Variants in MARCHF5 observed in about 807,000 individuals in gnomAD.
MARCHF5 encodes the protein membrane associated ring-CH-type finger 5, also known as E3 ubiquitin-protein ligase MARCHF5.
A neutral mutation model predicts 36.5 loss-of-function variants in MARCHF5; 5 were observed. The ratio of observed to expected loss-of-function variants is 0.14; its 90% CI spans 0.07 to 0.29. MARCHF5 has a LOEUF of 0.29. Ranked by LOEUF, MARCHF5 falls within the 10% of genes least tolerant of loss-of-function variation. The pLI, the probability that MARCHF5 is intolerant of heterozygous loss-of-function variation, is 1.00. For missense variants in MARCHF5, 179 were observed against 336.3 expected (o/e 0.53, Z 3.66); for synonymous variants, 103 against 109.9 (o/e 0.94, Z 0.39).
chr10:92,334,123 G>A (rs1388638761), intron 2 of MARCHF5, among the ~76,000 whole-genome samples: 1 of 152,230 alleles, frequency 6.6e-6, no homozygotes. Flanking sequence ...CCGGGAGGCA[G>A]AGGTTGCTGT....
At chr10:92,318,724 A>C (rs902191943) in intron 2 of MARCHF5, among the ~76,000 whole-genome samples, 1 of 151,716 alleles carries the variant, frequency 6.6e-6, no homozygotes, top group Non-Finnish European at 1.5e-5. Flanking sequence ...CTAAGATGGA[A>C]TCTCACTCTT....
intron 1 of MARCHF5, among the ~76,000 whole-genome samples, chr10:92,292,173 A>G (rs1842883471): frequency 1.3e-5 from 2 of 152,086 alleles, no homozygotes; most frequent in South Asian, 4.2e-4. Flanking sequence ...CGTTGAGTTC[A>G]TTGAAGACGT....
intron 2 of MARCHF5, among the ~76,000 whole-genome samples, chr10:92,338,800 G>A (rs1843536313): frequency 3.3e-5 from 5 of 152,096 alleles, no homozygotes; most frequent in Admixed American, 3.3e-4. Flanking sequence ...ATTTGTATAG[G>A]GAAAATAAAC....
At chr10:92,347,544 G>T (rs889760911) in intron 3 of MARCHF5, among the ~76,000 whole-genome samples, 1 of 151,084 alleles carries the variant, frequency 6.6e-6, no homozygotes, top group Non-Finnish European at 1.5e-5. Context: ...TAGATAGATA[G>T]ATAGATAGAT....
Position 92,291,571 on chromosome 10 carries a change from G to C in MARCHF5, c.35+42G>C, listed in dbSNP as rs1421447241. ...GGGGGACCGGGAGCCGCCGACCCTC[G>C]CTCTGGCCCTGCCCGCGCCCGCCCT... On this transcript the variant is annotated intron_variant, in intron 1 of 5. Coordinates refer to ENST00000358935, the MANE Select transcript of MARCHF5 (RefSeq NM_017824.5). 5 of 1,506,082 alleles carry C rather than the reference G, an allele frequency of 3.3e-6. No individual in the cohort carries two copies. The Admixed American group carries it at 1.1e-4, about 32-fold the overall frequency. The allele number at this position is 1,506,082 out of a possible 1,614,324, so 93.3% of individuals were successfully genotyped here.
At chr10:92,330,747 A>G (rs1478580411) in intron 2 of MARCHF5, among the ~76,000 whole-genome samples, 1 of 152,254 alleles carries the variant, frequency 6.6e-6, no homozygotes, top group Non-Finnish European at 1.5e-5. Flanking sequence ...ACGTAACATT[A>G]AGTACTAAGA....
chr10:92,326,438 C>T (rs1329216), intron 2 of MARCHF5, among the ~76,000 whole-genome samples: 150,307 of 152,296 alleles, frequency 0.99, 74,206 homozygotes, highest in Middle Eastern at 1. Flanking sequence ...GAATTTTACA[C>T]TGGCAAATTT....
intron 1 of MARCHF5, among the ~76,000 whole-genome samples, chr10:92,306,526 C>T (rs984252975): frequency 6.6e-6 from 1 of 152,166 alleles, no homozygotes; most frequent in Non-Finnish European, 1.5e-5. Context: ...TTTCTACTGT[C>T]CCCTCCATTC....
At chr10:92,305,817 C>G (rs1843067688) in intron 1 of MARCHF5, among the ~76,000 whole-genome samples, 1 of 152,176 alleles carries the variant, frequency 6.6e-6, no homozygotes, top group South Asian at 2.1e-4. Context: ...CTAGTCCCAT[C>G]TACTCAGGAG....
At position 92,353,000 on chromosome 10, in the gene MARCHF5, A is replaced by G. The variant is rs1590672622; in HGVS notation, c.*1793A>G. ...GAACAGTTTTTAGGCAGCCTTTACTAAAGTTATGCAAACACACAGTTCCCC... is the reference window on the plus strand; with the variant it reads ...GAACAGTTTTTAGGCAGCCTTTACTGAAGTTATGCAAACACACAGTTCCCC... On this transcript the variant is annotated 3_prime_UTR_variant, in exon 6 of 6. Transcript: ENST00000358935. 2 of 152,742 alleles carry G rather than the reference A, an allele frequency of 1.3e-5. No individual in the cohort carries two copies. Among genetic ancestry groups the G allele is most frequent in the African/African-American group, 4.8e-5 (2 of 41,580 alleles). The allele number at this position is 152,742 out of a possible 1,614,324, so 9.5% of individuals were successfully genotyped here.
intron 2 of MARCHF5, among the ~76,000 whole-genome samples, chr10:92,332,498 C>T (rs1053062929): frequency 6.8e-6 from 1 of 146,596 alleles, no homozygotes; most frequent in Non-Finnish European, 1.5e-5. Flanking sequence ...TTTACTATCG[C>T]ATTAGGATTC....
At chr10:92,332,061 CT>C (rs1172333453) in intron 2 of MARCHF5, among the ~76,000 whole-genome samples, 5 of 142,384 alleles carry the variant, frequency 3.5e-5, no homozygotes, top group Admixed American at 7.1e-5. Context: ...TTTGTGGGTC[CT>C]TTTTTTTTTC....
chr10:92,306,591 A>T (rs1176874486), intron 1 of MARCHF5, among the ~76,000 whole-genome samples: 1 of 152,228 alleles, frequency 6.6e-6, no homozygotes, highest in East Asian at 1.9e-4. Context: ...TCTCCATCTT[A>T]AAAGGAAGGG....
intron 2 of MARCHF5, among the ~76,000 whole-genome samples, chr10:92,320,037 T>C (rs1331363202): frequency 6.7e-6 from 1 of 150,288 alleles, no homozygotes; most frequent in Non-Finnish European, 1.5e-5. Flanking sequence ...AGTGGTGCAA[T>C]CTCAGCTTAC....
At chr10:92,350,798 C>T (rs1182591554) in intron 5 of MARCHF5, among the ~76,000 whole-genome samples, 2 of 152,066 alleles carry the variant, frequency 1.3e-5, no homozygotes, top group African/African-American at 2.4e-5. Flanking sequence ...CACATAGTGC[C>T]CTAGCATTCT....
At position 92,352,723 on chromosome 10, in the gene MARCHF5, A is replaced by G. The variant is rs1843733787; in HGVS notation, c.*1516A>G. On this transcript the variant is annotated 3_prime_UTR_variant, in exon 6 of 6. Transcript: ENST00000358935. Reference sequence around the variant, plus strand: ...CTGGTTTCTATAGTATGAATGTCTTAATTTTGAGTTATATGATGTTTATTT... The same window carrying G: ...CTGGTTTCTATAGTATGAATGTCTTGATTTTGAGTTATATGATGTTTATTT... 6.5e-6 allele frequency: 1 copy of G among 152,694 alleles called. No homozygotes were observed. Among genetic ancestry groups the G allele is most frequent in the South Asian group, 2.1e-4 (1 of 4,830 alleles). The allele number at this position is 152,694 out of a possible 1,614,324, so 9.5% of individuals were successfully genotyped here.
In MARCHF5 at chr10:92,296,090, G is replaced by C. The variant is rs1165681836; in HGVS notation, c.35+4561G>C. Among the ~76,000 whole-genome samples, 6 of 151,774 alleles carry C rather than the reference G, an allele frequency of 4.0e-5. No individual in the cohort carries two copies. In the East Asian group the frequency reaches 1.2e-3, roughly 30 times the overall value. ...GGGTATCTCTATGTTGGTCAGGCTG[G>C]TCTCGAGCTCCTGACCTCAGGTGAT... On this transcript the variant is annotated intron_variant, in intron 1 of 5. Transcript: ENST00000358935.
intron 2 of MARCHF5, among the ~76,000 whole-genome samples, chr10:92,328,097 C>T (rs1843388543): frequency 6.6e-6 from 1 of 151,988 alleles, no homozygotes; most frequent in Non-Finnish European, 1.5e-5. Context: ...TACAAAATAC[C>T]TGGTCAGTAC....
Position 92,351,858 on chromosome 10 carries a change from G to A in MARCHF5, c.*651G>A, listed in dbSNP as rs868471288. 1.3e-5 allele frequency: 2 copies of A among 151,416 alleles called. No homozygotes were observed. The highest frequency in any genetic ancestry group is 4.9e-5 in the African/African-American group (2 of 41,088). The allele number at this position is 151,416 out of a possible 1,614,324, so 9.4% of individuals were successfully genotyped here. ...CAATATTAAATTTTATTTACATAAT[G>A]TTGACATCTCATACTTCATGAAGTA... On this transcript the variant is annotated 3_prime_UTR_variant, in exon 6 of 6. Transcript: ENST00000358935.
Sources: allele counts gnomAD v4.1 joint callset (sites outside exome capture counted in the v4.1 genomes callset), GRCh38; gene constraint gnomAD v4.1.1; transcripts MANE v1.5; gene names NCBI Gene and HGNC (gene_info 2026-07-23, HGNC 2026-07-21).